The following IGF1R variants were observed in gnomAD, a reference collection of about 807,000 sequenced individuals.
IGF1R encodes the protein insulin like growth factor 1 receptor, also known as insulin-like growth factor 1 receptor.
Under a neutral mutation model 144.6 loss-of-function variants are expected in IGF1R, and 44 were observed. The observed-to-expected ratio is 0.30, with a 90% confidence interval of 0.24 to 0.39. The LOEUF (loss-of-function observed/expected upper bound fraction) is 0.39, where lower values mean the gene tolerates loss of function less well. IGF1R is among the 10% of genes least tolerant of loss of function. IGF1R has a pLI of 1.00. For missense variants in IGF1R, 1,355 were observed against 1,833.7 expected, an observed-to-expected ratio of 0.74 and a Z score of 4.77; for synonymous variants, 795 against 722.8, an observed-to-expected ratio of 1.10 and a Z score of -1.60.
At position 98,801,836 on chromosome 15, in the gene IGF1R, C is replaced by G. The variant is rs1002995652; in HGVS notation, c.641-89489C>G. Among the ~76,000 whole-genome samples, 4 of 152,330 alleles carry G rather than the reference C, an allele frequency of 2.6e-5. No homozygotes were observed. The East Asian group carries it at 7.7e-4, about 29-fold the overall frequency. ...CAGGATGACTCCCAGCCCCCATCCC[C>G]GTGGCTAGCAGCAAGCAGGGACTCT... On this transcript the variant is annotated intron_variant, in intron 2 of 20. Transcript: ENST00000650285.
intron 10 of IGF1R, 79 bp downstream of exon 10, chr15:98,916,955 G>C (rs757402942): frequency 8.0e-7 from 1 of 1,244,132 alleles, no homozygotes. Flanking sequence ...CCACCAGGTA[G>C]TGTGTAAGTC....
At chr15:98,887,545 A>G (rs908040094) in intron 2 of IGF1R, among the ~76,000 whole-genome samples, 4 of 152,168 alleles carry the variant, frequency 2.6e-5, no homozygotes, top group Non-Finnish European at 5.9e-5. Context: ...TGGTCCCCCC[A>G]GTTAGTGTCT....
chr15:98,671,873 C>T (rs535946020), intron 1 of IGF1R, among the ~76,000 whole-genome samples: 1 of 152,134 alleles, frequency 6.6e-6, no homozygotes, highest in East Asian at 1.9e-4. Flanking sequence ...AGTTTAGGCT[C>T]TTGTTTGGAC....
In IGF1R at chr15:98,699,994, G is replaced by A. The variant is rs72767959; in HGVS notation, c.95-7568G>A. ...GAATGTATATATACAACGTAAACATGTTCTGATTGACACGTGAAGATAAAG... is the reference window on the plus strand; with the variant it reads ...GAATGTATATATACAACGTAAACATATTCTGATTGACACGTGAAGATAAAG... On this transcript the variant is annotated intron_variant, in intron 1 of 20. Transcript: ENST00000650285. 8.4e-3 allele frequency among the ~76,000 whole-genome samples: 1,287 copies of A among 152,326 alleles called. 6 individuals are homozygous for A. The highest frequency in any genetic ancestry group is 0.013 in the Admixed American group (198 of 15,298).
intron 2 of IGF1R, among the ~76,000 whole-genome samples, chr15:98,746,258 G>C (rs1448486105): frequency 6.6e-6 from 1 of 152,176 alleles, no homozygotes; most frequent in Non-Finnish European, 1.5e-5. Flanking sequence ...TCTAGGTCGG[G>C]ACAGGTATGG....
At chr15:98,752,929 A>G (rs934159845) in intron 2 of IGF1R, among the ~76,000 whole-genome samples, 10 of 37,944 alleles carry the variant, frequency 2.6e-4, no homozygotes, top group African/African-American at 7.3e-4. Context: ...GGAAAATCAT[A>G]CTATTTTTTT....
intron 1 of IGF1R, among the ~76,000 whole-genome samples, chr15:98,686,050 TC>T (rs1275342979): frequency 6.6e-6 from 1 of 152,182 alleles, no homozygotes; most frequent in Non-Finnish European, 1.5e-5. Context: ...ATTGCCTTTT[TC>T]CCCAAGTCTT....
At chr15:98,897,226 C>T (rs1218466983) in intron 4 of IGF1R, 14 of 347,354 alleles carry the variant, frequency 4.0e-5, no homozygotes, top group Admixed American at 2.6e-4. Context: ...TTGGATCAGA[C>T]GTGTGACTCA....
At chr15:98,764,633 A>G (rs991909900) in intron 2 of IGF1R, among the ~76,000 whole-genome samples, 2 of 152,242 alleles carry the variant, frequency 1.3e-5, no homozygotes, top group African/African-American at 4.8e-5. Flanking sequence ...AATTTAAACA[A>G]TTTGTAGTTT....
intron 2 of IGF1R, among the ~76,000 whole-genome samples, chr15:98,867,416 G>A (rs1012087005): frequency 6.6e-6 from 1 of 152,162 alleles, no homozygotes; most frequent in African/African-American, 2.4e-5. Context: ...ATAAATTCGA[G>A]AAGCCCCACC....
intron 2 of IGF1R, among the ~76,000 whole-genome samples, chr15:98,811,479 G>A (rs1391453426): frequency 4.2e-5 from 6 of 143,444 alleles, no homozygotes; most frequent in South Asian, 4.5e-4. Context: ...GCAGTGAGCC[G>A]AGATCACGCC....
At chr15:98,717,753 A>C (rs2054153764) in intron 2 of IGF1R, among the ~76,000 whole-genome samples, 1 of 152,192 alleles carries the variant, frequency 6.6e-6, no homozygotes, top group African/African-American at 2.4e-5. Flanking sequence ...TAAATCATTA[A>C]ATACCATATT....
At chr15:98,856,260 C>A (rs577783416) in intron 2 of IGF1R, among the ~76,000 whole-genome samples, 2 of 152,358 alleles carry the variant, frequency 1.3e-5, no homozygotes, top group South Asian at 4.1e-4. Context: ...ACAATCGTAG[C>A]CTTCCTGATT....
At chr15:98,853,988 T>G (rs59957119) in intron 2 of IGF1R, among the ~76,000 whole-genome samples, 3,824 of 152,310 alleles carry the variant, frequency 0.025, 167 homozygotes, top group African/African-American at 0.087. Context: ...CTTCCAGTTG[T>G]CTGTCTGTGC....
rs559231655 is a variant in IGF1R at position 98,923,274 on chromosome 15, G to C, written c.2486-602G>C. Among the ~76,000 whole-genome samples the C allele has an allele frequency of 3.1e-4, 48 of 152,398 alleles. No homozygotes were observed. In the South Asian group the frequency reaches 9.3e-3, roughly 30 times the overall value. On this transcript the variant is annotated intron_variant, in intron 11 of 20. Coordinates refer to ENST00000650285, the MANE Select transcript of IGF1R (RefSeq NM_000875.5). Reference sequence around the variant, plus strand: ...GCAAGGTCAGCCAGCCGCTGGAGGAGTTGGTGCCGGCAGGGAGGGCTTGCC... The same window carrying C: ...GCAAGGTCAGCCAGCCGCTGGAGGACTTGGTGCCGGCAGGGAGGGCTTGCC...
intron 2 of IGF1R, among the ~76,000 whole-genome samples, chr15:98,830,113 A>G (rs138413446): frequency 1.3e-5 from 2 of 152,350 alleles, no homozygotes; most frequent in African/African-American, 4.8e-5. Context: ...TTCTTCCTTC[A>G]GCAGACCCTT....
chr15:98,747,293 T>C (rs1314523815), intron 2 of IGF1R, among the ~76,000 whole-genome samples: 1 of 152,030 alleles, frequency 6.6e-6, no homozygotes, highest in Non-Finnish European at 1.5e-5. Context: ...ACCTCCCGGG[T>C]TCAAGTGATT....
intron 13 of IGF1R, among the ~76,000 whole-genome samples, chr15:98,925,813 A>G (rs2015693262): frequency 6.6e-6 from 1 of 152,206 alleles, no homozygotes; most frequent in Admixed American, 6.5e-5. Context: ...TTGAGGCAAG[A>G]GAATCTCTTG....
chr15:98,830,603 A>ACCTTTTTTTTTTTTTTTTTTTTT (rs949484748), intron 2 of IGF1R, among the ~76,000 whole-genome samples: 6 of 133,718 alleles, frequency 4.5e-5, no homozygotes, highest in African/African-American at 1.6e-4. Flanking sequence ...TCTGATCATC[A>ACCTTTTTTTTTTTTTTTTTTTTT]TCTTTTTTTT....
Sources: gnomAD v4.1 joint callset for allele counts (sites outside exome capture counted in the v4.1 genomes callset) on GRCh38, gnomAD v4.1.1 for gene constraint, MANE v1.5 for transcripts, NCBI Gene and HGNC (gene_info 2026-07-23, HGNC 2026-07-21) for gene names.